The following MBOAT2 variants were observed in gnomAD, a reference collection of about 807,000 sequenced individuals.
The protein encoded by MBOAT2 is membrane-bound glycerophospholipid O-acyltransferase 2.
MBOAT2 carries 28 observed loss-of-function variants against 63.4 expected under a neutral mutation model. The ratio of observed to expected loss-of-function variants is 0.44; its 90% confidence interval spans 0.33 to 0.61. MBOAT2 has a LOEUF of 0.61. Ranked by LOEUF, MBOAT2 falls within the 20% of genes least tolerant of loss-of-function variation. MBOAT2 has a pLI of 0.03. For synonymous variants in MBOAT2, 211 were observed against 215.6 expected, an observed-to-expected ratio of 0.98 and a Z score of 0.19; for missense variants, 470 against 605.8, an observed-to-expected ratio of 0.78 and a Z score of 2.35.
chr2:8,926,278 A>G (rs752436613), intron 3 of MBOAT2, among the ~76,000 whole-genome samples: 5 of 152,270 alleles, frequency 3.3e-5, no homozygotes, highest in Non-Finnish European at 7.4e-5. Flanking sequence ...ACAGGCACAC[A>G]GCACCACACA....
chr2:8,994,822 AC>A (rs1672160111), intron 1 of MBOAT2, among the ~76,000 whole-genome samples: 1 of 152,252 alleles, frequency 6.6e-6, no homozygotes, highest in African/African-American at 2.4e-5. Flanking sequence ...ATTGAAAAAT[AC>A]GGATCTGCCA....
chr2:8,913,782 A>C (rs1027966511), intron 3 of MBOAT2, among the ~76,000 whole-genome samples: 3 of 152,216 alleles, frequency 2.0e-5, no homozygotes, highest in African/African-American at 7.2e-5. Flanking sequence ...AAAGAACTAA[A>C]AGTAGAACTA....
At chr2:8,966,076 T>C (rs547783261) in intron 1 of MBOAT2, among the ~76,000 whole-genome samples, 1 of 152,272 alleles carries the variant, frequency 6.6e-6, no homozygotes, top group South Asian at 2.1e-4. Flanking sequence ...CCTCCCAAGG[T>C]GAACAGCCAG....
intron 3 of MBOAT2, among the ~76,000 whole-genome samples, chr2:8,911,702 G>C (rs1462593224): frequency 1.3e-5 from 2 of 151,998 alleles, no homozygotes; most frequent in African/African-American, 4.8e-5. Context: ...CTCCTCTCTG[G>C]CCACGTGGTC....
At chr2:8,895,166 G>A (rs114998859) in intron 4 of MBOAT2, among the ~76,000 whole-genome samples, 2,133 of 152,356 alleles carry the variant, frequency 0.014, 22 homozygotes, top group Middle Eastern at 0.034. Flanking sequence ...GCCACTGCTG[G>A]CTCACCTGGC....
intron 5 of MBOAT2, among the ~76,000 whole-genome samples, chr2:8,884,709 T>C (rs907789006): frequency 1.3e-5 from 2 of 152,208 alleles, no homozygotes; most frequent in Non-Finnish European, 2.9e-5. Context: ...TCTGCCATGT[T>C]GCTCAGAGAA....
At chr2:8,904,768 G>A (rs892635087) in intron 4 of MBOAT2, among the ~76,000 whole-genome samples, 1 of 151,960 alleles carries the variant, frequency 6.6e-6, no homozygotes, top group African/African-American at 2.4e-5. Flanking sequence ...TTTTGAAATA[G>A]GATCCTTTTT....
intron 2 of MBOAT2, among the ~76,000 whole-genome samples, chr2:8,947,878 G>C (rs903490584): frequency 3.9e-5 from 6 of 152,200 alleles, no homozygotes. Context: ...GCAGATCAGG[G>C]AGCAATTCTG....
At chr2:8,947,826 G>C (rs1172020762) in intron 2 of MBOAT2, among the ~76,000 whole-genome samples, 1 of 152,228 alleles carries the variant, frequency 6.6e-6, no homozygotes, top group Non-Finnish European at 1.5e-5. Flanking sequence ...GGAGATTAAT[G>C]TTGTTTCCAC....
intron 1 of MBOAT2, among the ~76,000 whole-genome samples, chr2:8,991,937 C>T (rs946523879): frequency 6.6e-6 from 1 of 152,156 alleles, no homozygotes; most frequent in South Asian, 2.1e-4. Context: ...CTGTCCACAC[C>T]TCAGAAAACC....
At chr2:8,955,375 G>A (rs573585134) in intron 2 of MBOAT2, among the ~76,000 whole-genome samples, 3 of 152,296 alleles carry the variant, frequency 2.0e-5, no homozygotes, top group Admixed American at 2.0e-4. Flanking sequence ...CCAGTGGAAA[G>A]GTGAGTCATA....
At chr2:8,867,012 T>C (rs368710760) in intron 9 of MBOAT2, among the ~76,000 whole-genome samples, 1 of 152,184 alleles carries the variant, frequency 6.6e-6, no homozygotes, top group African/African-American at 2.4e-5. Context: ...TCTCTTCTAT[T>C]TGGAATGTTG....
At chr2:8,998,992 T>C (rs1205362876) in intron 1 of MBOAT2, among the ~76,000 whole-genome samples, 2 of 152,210 alleles carry the variant, frequency 1.3e-5, no homozygotes, top group Admixed American at 1.3e-4. Flanking sequence ...TTAAATAATA[T>C]AATCTGTGTG....
At chr2:8,976,684 C>T (rs557108525) in intron 1 of MBOAT2, among the ~76,000 whole-genome samples, 3 of 152,188 alleles carry the variant, frequency 2.0e-5, no homozygotes, top group East Asian at 1.9e-4. Flanking sequence ...GCGTTCAGAG[C>T]GTGTCTCCCT....
intron 2 of MBOAT2, among the ~76,000 whole-genome samples, chr2:8,956,929 A>T (rs1222036784): frequency 6.6e-6 from 1 of 152,156 alleles, no homozygotes; most frequent in Non-Finnish European, 1.5e-5. Flanking sequence ...TTATATTTTT[A>T]TCTTCTACTC....
At chr2:8,913,724 G>C (rs1006901349) in intron 3 of MBOAT2, among the ~76,000 whole-genome samples, 1 of 152,164 alleles carries the variant, frequency 6.6e-6, no homozygotes, top group Non-Finnish European at 1.5e-5. Flanking sequence ...CTGCTGGTGG[G>C]AATGTAAACT....
intron 3 of MBOAT2, among the ~76,000 whole-genome samples, chr2:8,940,135 A>C (rs1388352506): frequency 6.6e-6 from 1 of 152,064 alleles, no homozygotes; most frequent in Non-Finnish European, 1.5e-5. Context: ...CCAATGGGGC[A>C]CACAATCAGC....
chr2:8,998,921 G>A (rs575319352), intron 1 of MBOAT2, among the ~76,000 whole-genome samples: 140 of 152,208 alleles, frequency 9.2e-4, no homozygotes, highest in African/African-American at 3.3e-3. Flanking sequence ...ACACACCCGT[G>A]AAGCTAAATA....
intron 2 of MBOAT2, among the ~76,000 whole-genome samples, chr2:8,947,334 T>C (rs1442365378): frequency 6.6e-6 from 1 of 152,098 alleles, no homozygotes. Flanking sequence ...GAAATAAAAA[T>C]CCAAGGTGAA....
Sources: gnomAD v4.1 joint callset for allele counts (sites outside exome capture counted in the v4.1 genomes callset) on GRCh38, gnomAD v4.1.1 for gene constraint, MANE v1.5 for transcripts, NCBI Gene and HGNC (gene_info 2026-07-23, HGNC 2026-07-21) for gene names.